The following PKNOX2 variants were observed in gnomAD, a reference collection of about 807,000 sequenced individuals.
PKNOX2 encodes the protein PBX/knotted 1 homeobox 2.
PKNOX2 carries 14 observed loss-of-function variants against 53.1 expected under a neutral mutation model. The ratio of observed to expected loss-of-function variants is 0.26; its 90% CI spans 0.17 to 0.41. The LOEUF is 0.41. Among genes scored for constraint, PKNOX2 ranks in the 10% least tolerant of loss-of-function variants. PKNOX2 has a pLI of 1.00. For synonymous variants in PKNOX2, 257 were observed against 242.8 expected, an observed-to-expected ratio of 1.06 and a Z score of -0.54; for missense variants, 496 against 602.8, an observed-to-expected ratio of 0.82 and a Z score of 1.85.
intron 1 of PKNOX2, among the ~76,000 whole-genome samples, chr11:125,187,308 G>A (rs1956514176): frequency 6.6e-6 from 1 of 151,742 alleles, no homozygotes; most frequent in Non-Finnish European, 1.5e-5. Context: ...TAGATGTATT[G>A]ACATCTAAGC....
chr11:125,233,869 T>A (rs1942443664), intron 1 of PKNOX2, among the ~76,000 whole-genome samples: 1 of 152,206 alleles, frequency 6.6e-6, no homozygotes, highest in Non-Finnish European at 1.5e-5. Flanking sequence ...GTCAAGTCCT[T>A]GTTGAACATC....
At chr11:125,423,466 C>A (rs1956268839) in intron 10 of PKNOX2, among the ~76,000 whole-genome samples, 1 of 152,194 alleles carries the variant, frequency 6.6e-6, no homozygotes, top group Admixed American at 6.5e-5. Flanking sequence ...ATCACTGATG[C>A]TTTCCCCACT....
chr11:125,386,339 G>A (rs1197738564), intron 6 of PKNOX2, among the ~76,000 whole-genome samples: 2 of 152,152 alleles, frequency 1.3e-5, no homozygotes, highest in African/African-American at 4.8e-5. Context: ...TGAGTTTGGT[G>A]GGAGCCTGTG....
At chr11:125,184,753 C>T (rs1241961395) in intron 1 of PKNOX2, among the ~76,000 whole-genome samples, 5 of 152,130 alleles carry the variant, frequency 3.3e-5, no homozygotes, top group African/African-American at 9.7e-5. Flanking sequence ...GGCCTTGTGT[C>T]GGAGGCTGGC....
In PKNOX2 at chr11:125,352,036, A is replaced by G. The variant is rs564307777; in HGVS notation, c.87+644A>G. On this transcript the variant is annotated intron_variant, in intron 4 of 12. Coordinates refer to ENST00000298282, the MANE Select transcript of PKNOX2 (RefSeq NM_001382323.2). The surrounding 1 kb of genome is among the most constrained non-coding windows in gnomAD (Gnocchi z 4.1). ...CCACCCCGATTGCCTCTCCTGCAAC[A>G]TGCCCCTCCTCAGCAGTGCCTTCTG... Among the ~76,000 whole-genome samples, 2 of 151,330 alleles carry G rather than the reference A, an allele frequency of 1.3e-5. No individual in the cohort carries two copies. The highest frequency in any genetic ancestry group is 6.6e-5 in the Admixed American group (1 of 15,196).
At chr11:125,348,785 C>T (rs116783858) in intron 3 of PKNOX2, among the ~76,000 whole-genome samples, 2,308 of 152,322 alleles carry the variant, frequency 0.015, 61 homozygotes, top group African/African-American at 0.051. Flanking sequence ...GTTGAGCTTC[C>T]TTTGTTTTGC....
chr11:125,289,913 C>G (rs1947199314), intron 2 of PKNOX2, among the ~76,000 whole-genome samples: 1 of 152,218 alleles, frequency 6.6e-6, no homozygotes, highest in Admixed American at 6.5e-5. Flanking sequence ...CAGCCCGCAG[C>G]AGCAGCACCA....
chr11:125,346,010 C>T (rs924348321), intron 3 of PKNOX2, among the ~76,000 whole-genome samples: 5 of 152,118 alleles, frequency 3.3e-5, no homozygotes, highest in South Asian at 2.1e-4. Context: ...GAAAAAGAGA[C>T]GGATTGCGCC....
intron 2 of PKNOX2, among the ~76,000 whole-genome samples, chr11:125,292,874 C>T (rs1449526728): frequency 1.3e-5 from 2 of 152,186 alleles, no homozygotes; most frequent in South Asian, 2.1e-4. Flanking sequence ...TGTGCATGTA[C>T]GGTATGGAAG....
Position 125,430,128 on chromosome 11 carries a change from G to C in PKNOX2, c.1179G>C (p.Gly393=). ...GVLQQQGGAP[G]TNPDGSINLD... Reference sequence around the variant, plus strand: ...TGCAGCAGCAGGGCGGTGCCCCAGGGACAAACCCCGATGGTAAGAACTGGG... The same window carrying C: ...TGCAGCAGCAGGGCGGTGCCCCAGGCACAAACCCCGATGGTAAGAACTGGG... Residue 393 remains glycine (G), a synonymous_variant, in exon 12 of 13, where the codon GGG becomes GGC. Transcript: ENST00000298282. 1 of 1,613,974 alleles carries C rather than the reference G, an allele frequency of 6.2e-7. No individual in the cohort carries two copies. The highest frequency in any genetic ancestry group is 8.5e-7 in the Non-Finnish European group (1 of 1,179,908).
chr11:125,203,171 G>A (rs544791537), intron 1 of PKNOX2, among the ~76,000 whole-genome samples: 6 of 152,294 alleles, frequency 3.9e-5, no homozygotes, highest in Non-Finnish European at 7.3e-5. Flanking sequence ...AGGCTGGAGT[G>A]CAGTCAGCTG....
chr11:125,214,334 G>A (rs892354772), intron 1 of PKNOX2, among the ~76,000 whole-genome samples: 5 of 151,828 alleles, frequency 3.3e-5, no homozygotes, highest in South Asian at 4.2e-4. Flanking sequence ...CTTCTGATTC[G>A]CTCTTGCTCT....
At chr11:125,334,307 A>G (rs532185258) in intron 3 of PKNOX2, among the ~76,000 whole-genome samples, 5 of 152,304 alleles carry the variant, frequency 3.3e-5, no homozygotes, top group African/African-American at 1.2e-4. Flanking sequence ...GGGCAAACAT[A>G]AACCTTAGTT....
At chr11:125,219,462 A>T (rs1157183835) in intron 1 of PKNOX2, among the ~76,000 whole-genome samples, 1 of 152,072 alleles carries the variant, frequency 6.6e-6, no homozygotes, top group African/African-American at 2.4e-5. Context: ...AATTATAAAC[A>T]AAGCTAAGAG....
chr11:125,308,827 C>T (rs890949965), intron 2 of PKNOX2, among the ~76,000 whole-genome samples: 4 of 152,098 alleles, frequency 2.6e-5, no homozygotes, highest in Admixed American at 6.5e-5. Flanking sequence ...TCTCTCTGTC[C>T]CTTCCACCCT....
chr11:125,204,472 G>T (rs1426392940), intron 1 of PKNOX2, among the ~76,000 whole-genome samples: 11 of 152,228 alleles, frequency 7.2e-5, no homozygotes, highest in African/African-American at 2.6e-4. Context: ...TGCTGTGCTC[G>T]CTCAGTAAAA....
rs558381625 is a variant in PKNOX2 at position 125,244,960 on chromosome 11, T to C, written c.-130+9845T>C. On this transcript the variant is annotated intron_variant, in intron 2 of 12. Coordinates refer to ENST00000298282, the MANE Select transcript of PKNOX2 (RefSeq NM_001382323.2). ...GACTACCTGGTCTCATGGGGGAGACTGGGTGAATTTAATTAATGCCGCCAC... is the reference window on the plus strand; with the variant it reads ...GACTACCTGGTCTCATGGGGGAGACCGGGTGAATTTAATTAATGCCGCCAC... 2.6e-5 allele frequency among the ~76,000 whole-genome samples: 4 copies of C among 152,182 alleles called. No individual in the cohort carries two copies. In the South Asian group the frequency reaches 8.3e-4, roughly 32 times the overall value.
intron 2 of PKNOX2, chr11:125,258,879 G>A: frequency 2.5e-6 from 1 of 392,400 alleles, no homozygotes; most frequent in Non-Finnish European, 5.2e-6. Context: ...TTGCCTCGGG[G>A]CCAGAGGAGC....
chr11:125,426,958 G>A (rs146919916), intron 10 of PKNOX2, among the ~76,000 whole-genome samples: 1 of 152,386 alleles, frequency 6.6e-6, no homozygotes, highest in East Asian at 1.9e-4. Context: ...CGCGAGGACA[G>A]GCAGGAGGAA....
Sources: allele counts gnomAD v4.1 joint callset (sites outside exome capture counted in the v4.1 genomes callset), GRCh38; gene constraint gnomAD v4.1.1; non-coding constraint Gnocchi (gnomAD v3.1); transcripts MANE v1.5; gene names NCBI Gene and HGNC (gene_info 2026-07-23, HGNC 2026-07-21).